Variants in METTL4 observed in about 807,000 individuals in gnomAD.
METTL4 encodes the protein N(6)-adenine-specific methyltransferase METTL4.
METTL4 carries 40 observed loss-of-function variants against 54.0 expected under a neutral mutation model. The observed-to-expected ratio is 0.74, with a 90% CI of 0.58 to 0.96. The LOEUF (loss-of-function observed/expected upper bound fraction) is 0.96. Ranked by LOEUF, METTL4 falls within the 50% of genes least tolerant of loss-of-function variation. The pLI is 0.00. For missense variants in METTL4, 525 were observed against 549.0 expected (o/e 0.96, Z 0.44); for synonymous variants, 169 against 183.8 (o/e 0.92, Z 0.65).
Position 2,549,368 on chromosome 18 carries a change from A to G in METTL4, c.900-1839T>C, listed in dbSNP as rs77142706. Among the ~76,000 whole-genome samples, 511 of 152,258 alleles carry G rather than the reference A, an allele frequency of 3.4e-3. 3 individuals are homozygous for G. The highest frequency in any genetic ancestry group is 0.012 in the African/African-American group (485 of 41,558). On this transcript the variant is annotated intron_variant, in intron 5 of 8. Transcript: ENST00000574538. ...TCTCATTTGAAAAGAAGATGAGAAA[A>G]GGAGGAGAGAGGGAGGAGAGAGTAA...
chr18:2,551,399 T>A (rs1431902134), intron 5 of METTL4, among the ~76,000 whole-genome samples: 1 of 152,076 alleles, frequency 6.6e-6, no homozygotes. Context: ...ATGATTCTTG[T>A]AACTTTAAAA....
chr18:2,552,465 GA>G (rs2072176954), intron 5 of METTL4, among the ~76,000 whole-genome samples: 2 of 152,212 alleles, frequency 1.3e-5, no homozygotes, highest in Admixed American at 1.3e-4. Context: ...AAACAGCCCT[GA>G]ACTGCTTCTG....
At chr18:2,544,411 A>C in intron 7 of METTL4, 125 bp from the exon 8 acceptor site, 1 of 702,030 alleles carries the variant, frequency 1.4e-6, no homozygotes, top group Non-Finnish European at 2.3e-6. Context: ...ACAATCAATG[A>C]AAGAAATTAA....
In METTL4 at chr18:2,566,899, T is replaced by G. The variant is rs1360776414; in HGVS notation, c.318A>C (p.Lys106Asn). 13 of 1,613,564 alleles carry G rather than the reference T, an allele frequency of 8.1e-6. No homozygotes were observed. The highest frequency in any genetic ancestry group is 1.1e-5 in the Non-Finnish European group (13 of 1,179,664). ...TKPYITPAVH[K>N]ECQQSNEKED... The stretch of plus-strand genomic sequence containing the variant: ...CCTTTTCATTACTTTGCTGGCATTC[T>G]TTATGAACAGCTGGAGTTATATAAG... The change falls in exon 2 of 9, where the codon AAA (lysine) becomes AAC (asparagine). Residue 106 changes from lysine to asparagine, a missense_variant. Lys to Asn is a moderately conservative substitution (Grantham distance 94, BLOSUM62 0). Coordinates refer to ENST00000574538, the MANE Select transcript of METTL4 (RefSeq NM_022840.5).
At chr18:2,544,351 G>T in intron 7 of METTL4, 65 bp from the exon 8 acceptor site, 1 of 1,166,544 alleles carries the variant, frequency 8.6e-7, no homozygotes, top group Non-Finnish European at 1.2e-6. Context: ...ATAAGCCACA[G>T]CTGCATTGAT....
rs2071944898 is a variant in METTL4 at position 2,538,636 on chromosome 18, T to C, written c.*364A>G. Reference sequence around the variant, plus strand: ...GAAATAGCCCCATTTTTTAGAATAATGGTTCTAAGTGTTTTTTACAACACT... The same window carrying C: ...GAAATAGCCCCATTTTTTAGAATAACGGTTCTAAGTGTTTTTTACAACACT... On this transcript the variant is annotated 3_prime_UTR_variant, in exon 9 of 9. Coordinates refer to ENST00000574538, the MANE Select transcript of METTL4 (RefSeq NM_022840.5). The C allele has an allele frequency of 1.2e-5, 2 of 168,158 alleles. No individual in the cohort carries two copies. The highest frequency in any genetic ancestry group is 1.9e-4 in the South Asian group (1 of 5,328). The allele number at this position is 168,158 out of a possible 1,614,324, so 10.4% of individuals were successfully genotyped here.
intron 5 of METTL4, 57 bp from the exon 6 acceptor site, chr18:2,547,586 G>T: frequency 7.3e-7 from 1 of 1,366,844 alleles, no homozygotes; most frequent in Non-Finnish European, 1.0e-6. Flanking sequence ...AGAAAACTAA[G>T]CAGGGATAAG....
At chr18:2,566,762 GATA>G (rs772079147) in intron 2 of METTL4, 56 bp downstream of exon 2, 15 of 1,321,368 alleles carry the variant, frequency 1.1e-5, no homozygotes, top group African/African-American at 1.5e-5. Context: ...AAGACATTTA[GATA>G]ATAAATCTCA....
intron 6 of METTL4, among the ~76,000 whole-genome samples, chr18:2,545,323 A>G (rs2072054849): frequency 6.6e-6 from 1 of 152,154 alleles, no homozygotes; most frequent in East Asian, 1.9e-4. Flanking sequence ...TAAACTAATA[A>G]ATGAATTACT....
chr18:2,543,493 A>G (rs985075205), intron 8 of METTL4, among the ~76,000 whole-genome samples: 47 of 152,172 alleles, frequency 3.1e-4, no homozygotes, highest in African/African-American at 1.1e-3. Context: ...CTTTAAATAT[A>G]ACTAATTCTC....
intron 8 of METTL4, among the ~76,000 whole-genome samples, chr18:2,543,096 AGAGT>A (rs2072018347): frequency 1.3e-5 from 2 of 148,172 alleles, no homozygotes; most frequent in Non-Finnish European, 3.0e-5. Flanking sequence ...TGTATGTGAC[AGAGT>A]GAGACTCCAT....
chr18:2,561,376 G>A (rs1172131232), intron 3 of METTL4: 1 of 152,056 alleles, frequency 6.6e-6, no homozygotes, highest in Non-Finnish European at 1.5e-5. Flanking sequence ...AACCTGCAAG[G>A]CCTTTATAAA....
Position 2,555,018 on chromosome 18 carries a change from A to G in METTL4, c.480T>C (p.Asp160=). The G allele has an allele frequency of 6.2e-7, 1 of 1,613,538 alleles. No individual in the cohort carries two copies. Residue 160 remains aspartate, a synonymous_variant, in exon 4 of 9, where the codon GAT becomes GAC. Coordinates refer to ENST00000574538, the MANE Select transcript of METTL4 (RefSeq NM_022840.5). ...CTTCCTGGATCAACTGTAAAGATCC[A>G]TCCAAAATCAGCTCCCTGATCTGTA... ...YHTKIRELIL[D]GSLQLIQEGL...
At chr18:2,540,221 A>G in intron 8 of METTL4, 1 of 985,182 alleles carries the variant, frequency 1.0e-6, no homozygotes, top group African/African-American at 1.7e-5. Flanking sequence ...TTGGATGACA[A>G]ATACTTAAAT....
At chr18:2,551,103 G>A (rs1598347321) in intron 5 of METTL4, among the ~76,000 whole-genome samples, 1 of 144,198 alleles carries the variant, frequency 6.9e-6, no homozygotes, top group Non-Finnish European at 1.5e-5. Flanking sequence ...GGCGGAGCTT[G>A]CAGTGAGCCG....
chr18:2,556,625 A>C (rs1464847898), intron 3 of METTL4, among the ~76,000 whole-genome samples: 1 of 152,138 alleles, frequency 6.6e-6, no homozygotes, highest in Non-Finnish European at 1.5e-5. Flanking sequence ...CCAAATAAAA[A>C]TATTGGGAAT....
At chr18:2,555,734 T>C (rs2072229586) in intron 3 of METTL4, among the ~76,000 whole-genome samples, 1 of 152,114 alleles carries the variant, frequency 6.6e-6, no homozygotes, top group Admixed American at 6.6e-5. Context: ...AGATGGAGTA[T>C]CATGGATCAG....
intron 3 of METTL4, among the ~76,000 whole-genome samples, chr18:2,557,255 C>T (rs1400780601): frequency 2.0e-5 from 3 of 151,854 alleles, no homozygotes; most frequent in African/African-American, 4.8e-5. Context: ...ATGTACTGAT[C>T]AGTACAAGTG....
Position 2,560,096 on chromosome 18 carries a change from A to T in METTL4, c.459+3701T>A, listed in dbSNP as rs945014727. Reference sequence around the variant, plus strand: ...TGTGAAAACTGACATCAATAGAAACAAAAAACCTGAAAATCCGGTTCTCTA... The same window carrying T: ...TGTGAAAACTGACATCAATAGAAACTAAAAACCTGAAAATCCGGTTCTCTA... On this transcript the variant is annotated intron_variant, in intron 3 of 8. Coordinates refer to ENST00000574538, the MANE Select transcript of METTL4 (RefSeq NM_022840.5). 1.4e-4 allele frequency among the ~76,000 whole-genome samples: 21 copies of T among 152,122 alleles called. 1 individual carries two copies. The highest frequency in any genetic ancestry group is 3.2e-3 in the Middle Eastern group (1 of 316).
Sources: gnomAD v4.1 joint callset for allele counts (sites outside exome capture counted in the v4.1 genomes callset) on GRCh38, gnomAD v4.1.1 for gene constraint, MANE v1.5 for transcripts, NCBI Gene and HGNC (gene_info 2026-07-23, HGNC 2026-07-21) for gene names.